Variants in ELAVL1 observed in about 807,000 individuals in gnomAD.
ELAVL1 encodes ELAV-like protein 1.
ELAVL1 carries 1 observed loss-of-function variant against 28.4 expected under a neutral mutation model. The observed-to-expected ratio is 0.04, with a 90% CI of 0.01 to 0.17. The LOEUF is 0.17. Among genes scored for constraint, ELAVL1 ranks in the 10% least tolerant of loss-of-function variants. The pLI is 1.00. For missense variants in ELAVL1, 157 were observed against 447.2 expected (o/e 0.35, Z 5.85); for synonymous variants, 174 against 183.5 (o/e 0.95, Z 0.42).
intron 4 of ELAVL1, among the ~76,000 whole-genome samples, chr19:7,968,929 T>C (rs1296374087): frequency 2.0e-5 from 3 of 151,798 alleles, no homozygotes; most frequent in East Asian, 3.9e-4. Context: ...GGCAAGGACA[T>C]GATGGAGTCA....
chr19:7,988,707 G>A (rs908302494), intron 2 of ELAVL1, among the ~76,000 whole-genome samples: 1 of 152,232 alleles, frequency 6.6e-6, no homozygotes, highest in Non-Finnish European at 1.5e-5. Flanking sequence ...CTGGGACCAC[G>A]TGGGTGGAGG....
intron 3 of ELAVL1, among the ~76,000 whole-genome samples, chr19:7,977,127 A>G (rs997610776): frequency 2.6e-5 from 4 of 152,148 alleles, no homozygotes; most frequent in Non-Finnish European, 4.4e-5. Flanking sequence ...GCGTGAGTGG[A>G]GTGCGCAGTA....
chr19:7,992,138 G>A (rs1333735581), intron 1 of ELAVL1, among the ~76,000 whole-genome samples: 3 of 151,930 alleles, frequency 2.0e-5, no homozygotes, highest in Non-Finnish European at 4.4e-5. Flanking sequence ...ACGGGGTTTC[G>A]TCGTGTTGGC....
At chr19:7,987,473 C>G (rs1446754003) in intron 2 of ELAVL1, among the ~76,000 whole-genome samples, 1 of 152,170 alleles carries the variant, frequency 6.6e-6, no homozygotes, top group Admixed American at 6.5e-5. Flanking sequence ...GGTGGAACAG[C>G]CAACAACCAA....
At chr19:7,996,300 G>C (rs927021540) in intron 1 of ELAVL1, among the ~76,000 whole-genome samples, 5 of 151,594 alleles carry the variant, frequency 3.3e-5, no homozygotes, top group Non-Finnish European at 7.4e-5. Context: ...TCCTGCCTCA[G>C]CCTCCCAAGT....
intron 1 of ELAVL1, among the ~76,000 whole-genome samples, chr19:7,996,329 C>T (rs892817295): frequency 2.0e-5 from 3 of 151,868 alleles, no homozygotes; most frequent in African/African-American, 7.2e-5. Context: ...CTACAGGCGC[C>T]CGCCACCATG....
At chr19:7,995,012 A>T (rs186276366) in intron 1 of ELAVL1, among the ~76,000 whole-genome samples, 261 of 152,328 alleles carry the variant, frequency 1.7e-3, no homozygotes, top group African/African-American at 6.1e-3. Context: ...ATAAGAGTAT[A>T]AAACTGGATA....
chr19:7,969,852 G>T (rs913468006), intron 4 of ELAVL1, among the ~76,000 whole-genome samples: 1 of 152,106 alleles, frequency 6.6e-6, no homozygotes, highest in Non-Finnish European at 1.5e-5. Context: ...GCTCTAGTAA[G>T]GGGGGCAGGA....
intron 1 of ELAVL1, among the ~76,000 whole-genome samples, chr19:8,004,581 A>G (rs1388910227): frequency 1.3e-5 from 2 of 152,088 alleles, no homozygotes; most frequent in Admixed American, 6.6e-5. Flanking sequence ...TACCACCACA[A>G]CCAAAAACTA....
At chr19:7,995,626 A>C (rs8108033) in intron 1 of ELAVL1, among the ~76,000 whole-genome samples, 315 of 152,314 alleles carry the variant, frequency 2.1e-3, no homozygotes, top group African/African-American at 7.4e-3. Flanking sequence ...CGTATGGCCA[A>C]AAAAGCTGAG....
Position 7,978,691 on chromosome 19 carries a change from AG to A in ELAVL1, c.276+2391del, listed in dbSNP as rs956857755. ...CATTCTAGTGAGTCATGCACCCTGA[AG>A]GGGTGGCGGGAACCCTGAATTTGTA... On this transcript the variant is annotated intron_variant, in intron 3 of 5. Coordinates refer to ENST00000407627, the MANE Select transcript of ELAVL1 (RefSeq NM_001419.3). 8.9e-4 allele frequency among the ~76,000 whole-genome samples: 136 copies of A among 152,274 alleles called. 1 individual carries two copies. The Middle Eastern group carries it at 0.01, about 11-fold the overall frequency.
chr19:7,982,384 C>T lies in ELAVL1; in HGVS notation c.173-1198G>A, dbSNP rs919859613. Reference sequence around the variant, plus strand: ...CAGAGCGCGACAACGAGCAGGTCACCGAACAGGAGGTGGCCTGGAGCCCCA... The same window carrying T: ...CAGAGCGCGACAACGAGCAGGTCACTGAACAGGAGGTGGCCTGGAGCCCCA... On this transcript the variant is annotated intron_variant, in intron 2 of 5. Coordinates refer to ENST00000407627, the MANE Select transcript of ELAVL1 (RefSeq NM_001419.3). The surrounding 1 kb of genome is among the most constrained non-coding windows in gnomAD (Gnocchi z 4.3). Among the ~76,000 whole-genome samples the T allele has an allele frequency of 1.3e-5, 2 of 152,152 alleles. No homozygotes were observed. The highest frequency in any genetic ancestry group is 4.8e-5 in the African/African-American group (2 of 41,438).
intron 2 of ELAVL1, among the ~76,000 whole-genome samples, chr19:7,986,903 C>T (rs994198524): frequency 2.0e-5 from 3 of 152,062 alleles, no homozygotes; most frequent in Non-Finnish European, 4.4e-5. Flanking sequence ...GGGACATGTG[C>T]CCAAAAGCTA....
Position 7,971,534 on chromosome 19 carries a change from C to G in ELAVL1, c.430+2191G>C, listed in dbSNP as rs185744741. 5.9e-5 allele frequency among the ~76,000 whole-genome samples: 9 copies of G among 152,376 alleles called. No homozygotes were observed. In the East Asian group the frequency reaches 1.7e-3, roughly 29 times the overall value. ...GACAGGATCATTCGCTCAGCTGGCA[C>G]TTAAGTGAGAGGACTTCAGGGACCA... On this transcript the variant is annotated intron_variant, in intron 4 of 5. Transcript: ENST00000407627.
At chr19:7,988,786 T>C (rs777697962) in intron 2 of ELAVL1, among the ~76,000 whole-genome samples, 2 of 152,084 alleles carry the variant, frequency 1.3e-5, no homozygotes, top group Non-Finnish European at 2.9e-5. Flanking sequence ...GAGCCACAGA[T>C]GTGGAGGAAC....
At position 7,973,751 on chromosome 19, in the gene ELAVL1, G is replaced by A. The variant is rs1160077839; in HGVS notation, c.404C>T (p.Ser135Leu). Residue 135 changes from serine (S) to leucine (L), a missense_variant, in exon 4 of 6, where the codon TCG (serine) becomes TTG (leucine). Ser to Leu is a moderately radical substitution (Grantham distance 145). Around this residue, in one of 4 missense-constraint regions of ELAVL1, gnomAD observed 107 missense variants for 310.4 expected, o/e 0.34. Coordinates refer to ENST00000407627, the MANE Select transcript of ELAVL1 (RefSeq NM_001419.3). ...TGTAGTCTGATCCACGAGGACCCGC[G>A]AGTTGATGATCCGCCCAAACCGAGA... ...MFSRFGRIIN[S>L]RVLVDQTTGL... The A allele has an allele frequency of 4.3e-6, 7 of 1,613,956 alleles. No individual in the cohort carries two copies. The highest frequency in any genetic ancestry group is 1.7e-5 in the Admixed American group (1 of 59,996).
At chr19:8,002,475 G>C (rs972261934) in intron 1 of ELAVL1, among the ~76,000 whole-genome samples, 1 of 152,226 alleles carries the variant, frequency 6.6e-6, no homozygotes, top group Non-Finnish European at 1.5e-5. Flanking sequence ...GAGGGAGCGA[G>C]CCTCACTTCC....
intron 4 of ELAVL1, among the ~76,000 whole-genome samples, chr19:7,969,685 C>A (rs1204407218): frequency 6.6e-6 from 1 of 152,146 alleles, no homozygotes; most frequent in African/African-American, 2.4e-5. Flanking sequence ...CTGACGCTGG[C>A]CGGCTCGTAG....
In ELAVL1 at chr19:7,982,849, G is replaced by C. The variant is rs1344534291; in HGVS notation, c.173-1663C>G. Among the ~76,000 whole-genome samples the C allele has an allele frequency of 6.6e-6, 1 of 152,152 alleles. No individual in the cohort carries two copies. Among genetic ancestry groups the C allele is most frequent in the Admixed American group, 6.5e-5 (1 of 15,270 alleles). ...GTTTTGAGGACTGGTCGGACATCCC[G>C]TAGACTCTCGATTGGGTTTGCTGGA... On this transcript the variant is annotated intron_variant, in intron 2 of 5. Transcript: ENST00000407627. This position sits in a 1 kb window ranked among gnomAD's most constrained non-coding sequence, Gnocchi z 4.3.
Sources: allele counts gnomAD v4.1 joint callset (sites outside exome capture counted in the v4.1 genomes callset), GRCh38; gene constraint gnomAD v4.1.1; regional missense constraint gnomAD v4.1.1; non-coding constraint Gnocchi (gnomAD v3.1); transcripts MANE v1.5; gene names NCBI Gene and HGNC (gene_info 2026-07-23, HGNC 2026-07-21).